The following SEMA4D variants were observed in gnomAD, a reference collection of about 807,000 sequenced individuals.
SEMA4D encodes semaphorin-4D.
SEMA4D carries 22 observed loss-of-function variants against 74.8 expected under a neutral mutation model. The ratio of observed to expected loss-of-function variants is 0.29; its 90% CI spans 0.21 to 0.42. The LOEUF is 0.42. SEMA4D is among the 10% of genes least tolerant of loss of function. SEMA4D has a pLI of 1.00. For synonymous variants in SEMA4D, 445 were observed against 463.7 expected (o/e 0.96, Z 0.52); for missense variants, 937 against 1,118.4 (o/e 0.84, Z 2.31).
chr9:89,462,954 G>GGTAGGGGA, intron 1 of SEMA4D, among the ~76,000 whole-genome samples: 1 of 9,514 alleles, frequency 1.1e-4, no homozygotes, highest in Non-Finnish European at 1.8e-4. Flanking sequence ...AAGAAAGGAG[G>GGTAGGGGA]GGGGAGCGAG....
rs201588987 is a variant in SEMA4D, at chr9:89,378,986, C to T, written c.2307G>A (p.Ser769=). 79 of 1,613,406 alleles carry T rather than the reference C, an allele frequency of 4.9e-5. No homozygotes were observed. In the East Asian group the frequency reaches 1.4e-3, roughly 28 times the overall value. ...GCTTCTTCTTCCCAATTAGTAGGGC[C>T]GAGCGGAATTTCAAGCACTGTCTGG... The part of the protein sequence containing the change: ...YLPRQCLKFR[S]ALLIGKKKPK... The change falls in exon 16 of 16, where the codon TCG becomes TCA. Residue 769 remains serine (S), a synonymous_variant. Transcript: ENST00000422704.
At chr9:89,428,578 GA>G (rs1480213035) in intron 2 of SEMA4D, among the ~76,000 whole-genome samples, 6 of 15,884 alleles carry the variant, frequency 3.8e-4, no homozygotes, top group African/African-American at 2.2e-3. Flanking sequence ...CACAGGCATG[GA>G]GCCTGCTCAA....
chr9:89,418,298 C>G, intron 2 of SEMA4D: 1 of 840,878 alleles, frequency 1.2e-6, no homozygotes, highest in Non-Finnish European at 1.4e-6. Context: ...CTGGGGCAGA[C>G]AGGAGGGAGG....
chr9:89,362,195 T>C, exon 19 of SEMA4D: 1 of 738,692 alleles, frequency 1.4e-6, no homozygotes, highest in Non-Finnish European at 2.3e-6. Context: ...AAGTCTTAGT[T>C]CCTGTCACAG....
At chr9:89,446,658 C>T (rs1403050477) in intron 2 of SEMA4D, among the ~76,000 whole-genome samples, 4 of 152,176 alleles carry the variant, frequency 2.6e-5, no homozygotes, top group Admixed American at 6.5e-5. Flanking sequence ...AGCCGCTTCC[C>T]ACTTCCCCTC....
chr9:89,415,788 G>C (rs1023058831), intron 2 of SEMA4D, among the ~76,000 whole-genome samples: 1 of 152,112 alleles, frequency 6.6e-6, no homozygotes, highest in Non-Finnish European at 1.5e-5. Flanking sequence ...GGCAATTCAG[G>C]GGCTGCTGGC....
intron 2 of SEMA4D, among the ~76,000 whole-genome samples, chr9:89,429,272 C>G (rs1848741216): frequency 6.6e-6 from 1 of 152,206 alleles, no homozygotes; most frequent in Non-Finnish European, 1.5e-5. Context: ...CAAGAAGCCT[C>G]TAATCCTAGC....
rs1305929166 is a variant in SEMA4D at position 89,402,996 on chromosome 9, G to A, written c.127C>T (p.His43Tyr). The A allele has an allele frequency of 6.2e-7, 1 of 1,611,560 alleles. No homozygotes were observed. Among genetic ancestry groups the A allele is most frequent in the East Asian group, 2.2e-5 (1 of 44,754 alleles). ...GAGTAGTTGTAGATGTCTGGCTCAT[G>A]AAACTGCACCAGGTGCACCTCTGTG... ...EHREVHLVQF[H>Y]EPDIYNYSAL... Residue 43 changes from histidine to tyrosine, a missense_variant, in exon 4 of 16, where the codon CAT becomes TAT. By Grantham distance (83) the His-to-Tyr change is moderately conservative. Coordinates refer to ENST00000422704, the MANE Select transcript of SEMA4D (RefSeq NM_001371194.2).
chr9:89,484,121 T>C lies in SEMA4D; in HGVS notation c.-310+13798A>G, dbSNP rs1824948473. 6.6e-6 allele frequency among the ~76,000 whole-genome samples: 1 copy of C among 152,264 alleles called. No individual in the cohort carries two copies. On this transcript the variant is annotated intron_variant, in intron 1 of 15. Transcript: ENST00000422704. The surrounding 1 kb of genome is among the most constrained non-coding windows in gnomAD (Gnocchi z 4.1). Reference sequence around the variant, plus strand: ...AGGGCTTCCGGGCTCCCCCAGGAACTGGAGCCTTAAAGAGGACGCCGCGGC... The same window carrying C: ...AGGGCTTCCGGGCTCCCCCAGGAACCGGAGCCTTAAAGAGGACGCCGCGGC...
intron 2 of SEMA4D, chr9:89,449,788 C>T: frequency 2.0e-6 from 3 of 1,504,494 alleles, no homozygotes; most frequent in Non-Finnish European, 1.8e-6. Flanking sequence ...ATTGCTTTTC[C>T]CACCAGCATT....
chr9:89,466,317 C>G (rs1858695881), intron 1 of SEMA4D, among the ~76,000 whole-genome samples: 1 of 152,214 alleles, frequency 6.6e-6, no homozygotes, highest in African/African-American at 2.4e-5. Context: ...TCAGAAACGC[C>G]TTTTCTTTCT....
chr9:89,448,694 C>T (rs751929270), intron 2 of SEMA4D, among the ~76,000 whole-genome samples: 3 of 152,360 alleles, frequency 2.0e-5, no homozygotes, highest in South Asian at 2.1e-4. Context: ...GCTTGTTTCA[C>T]GGGCTTCACT....
chr9:89,385,976 G>T, intron 13 of SEMA4D: 3 of 983,638 alleles, frequency 3.0e-6, no homozygotes, highest in Non-Finnish European at 3.6e-6. Context: ...CTTCTCTTGT[G>T]GATTTTCCAC....
At chr9:89,427,525 C>T (rs1262697669) in intron 2 of SEMA4D, among the ~76,000 whole-genome samples, 1 of 152,186 alleles carries the variant, frequency 6.6e-6, no homozygotes. Context: ...CCCAATATTT[C>T]AGGATTCACT....
chr9:89,381,040 C>T lies in SEMA4D; in HGVS notation c.1663+15G>A, dbSNP rs1000455945. On this transcript the variant is annotated intron_variant, in intron 15 of 15. Coordinates refer to ENST00000422704, the MANE Select transcript of SEMA4D (RefSeq NM_001371194.2). The surrounding 1 kb of genome is among the most constrained non-coding windows in gnomAD (Gnocchi z 4.6). ...GCCACTCCCAAAGGAAATGGGACGTCGAGGAGTCACTCACCCGGGCACACA... is the reference window on the plus strand; with the variant it reads ...GCCACTCCCAAAGGAAATGGGACGTTGAGGAGTCACTCACCCGGGCACACA... 1.1e-5 allele frequency: 17 copies of T among 1,613,936 alleles called. No homozygotes were observed. The highest frequency in any genetic ancestry group is 1.3e-5 in the Non-Finnish European group (15 of 1,180,034).
intron 1 of SEMA4D, among the ~76,000 whole-genome samples, chr9:89,466,386 C>T (rs1021880619): frequency 2.6e-5 from 4 of 152,162 alleles, no homozygotes; most frequent in African/African-American, 9.7e-5. Context: ...CAACCTTAGA[C>T]AGAGGGCTGC....
At chr9:89,392,561 G>T in intron 7 of SEMA4D, 25 bp from the exon 8 acceptor site, 2 of 1,523,290 alleles carry the variant, frequency 1.3e-6, no homozygotes, top group South Asian at 2.2e-5. Context: ...AAGAAAAGAG[G>T]AAAAGGGAAC....
chr9:89,369,192 A>G (rs1834162650), intron 16 of SEMA4D: 1 of 152,230 alleles, frequency 6.6e-6, no homozygotes, highest in African/African-American at 2.4e-5. Flanking sequence ...GAGCAGCTGG[A>G]ACACACACAT....
At chr9:89,386,714 A>T in intron 12 of SEMA4D, 1 of 448,188 alleles carries the variant, frequency 2.2e-6, no homozygotes, top group Non-Finnish European at 4.1e-6. Context: ...AGGAAAATAA[A>T]CTGTTCCATG....
Sources: allele counts gnomAD v4.1 joint callset (sites outside exome capture counted in the v4.1 genomes callset), GRCh38; gene constraint gnomAD v4.1.1; non-coding constraint Gnocchi (gnomAD v3.1); transcripts MANE v1.5; gene names NCBI Gene and HGNC (gene_info 2026-07-23, HGNC 2026-07-21).